RAP1GAP2: variants seen among roughly 807,000 people sequenced by gnomAD.
The protein encoded by RAP1GAP2 is rap1 GTPase-activating protein 2.
Under a neutral mutation model 95.0 loss-of-function variants are expected in RAP1GAP2, and 27 were observed. The observed-to-expected ratio is 0.28, with a 90% CI of 0.21 to 0.39. RAP1GAP2 has a LOEUF of 0.39. Among genes scored for constraint, RAP1GAP2 ranks in the 10% least tolerant of loss-of-function variants. RAP1GAP2 has a pLI of 1.00. For synonymous variants in RAP1GAP2, 373 were observed against 380.9 expected, an observed-to-expected ratio of 0.98 and a Z score of 0.24; for missense variants, 771 against 970.0, an observed-to-expected ratio of 0.79 and a Z score of 2.72.
intron 1 of RAP1GAP2, chr17:2,755,909 T>C (rs1221251852): frequency 3.5e-6 from 1 of 283,118 alleles, no homozygotes; most frequent in African/African-American, 2.2e-5. Flanking sequence ...GGGCGCCGGC[T>C]GCCTGGTCCC....
At chr17:2,763,724 A>T (rs2068226581) in intron 1 of RAP1GAP2, among the ~76,000 whole-genome samples, 1 of 151,522 alleles carries the variant, frequency 6.6e-6, no homozygotes, top group South Asian at 2.1e-4. Flanking sequence ...AGAATAAAAG[A>T]AAATCCCTCA....
intron 3 of RAP1GAP2, among the ~76,000 whole-genome samples, chr17:2,946,170 G>T (rs1305292367): frequency 6.6e-6 from 1 of 152,176 alleles, no homozygotes; most frequent in Non-Finnish European, 1.5e-5. Context: ...ATAACAGTAC[G>T]CTGTTGGATT....
At chr17:2,798,854 C>T (rs111518923) in intron 1 of RAP1GAP2, among the ~76,000 whole-genome samples, 4 of 152,272 alleles carry the variant, frequency 2.6e-5, no homozygotes, top group African/African-American at 7.2e-5. Context: ...GCTGTGACCA[C>T]GGTGCCTGTA....
At chr17:2,785,374 TAGG>T (rs1161257412) in intron 1 of RAP1GAP2, among the ~76,000 whole-genome samples, 2 of 146,288 alleles carry the variant, frequency 1.4e-5, no homozygotes, top group African/African-American at 2.5e-5. Context: ...GTTCACAAGA[TAGG>T]AGGAGAGAAA....
intron 2 of RAP1GAP2, among the ~76,000 whole-genome samples, chr17:2,816,129 CG>C (rs1332085137): frequency 6.6e-6 from 1 of 151,576 alleles, no homozygotes; most frequent in Admixed American, 6.6e-5. Context: ...TAAAAATAGG[CG>C]GGGGAGGGAA....
At position 3,034,621 on chromosome 17, in the gene RAP1GAP2, G is replaced by A. The variant is rs1393693254; in HGVS notation, c.*1260G>A. 6.5e-6 allele frequency: 1 copy of A among 153,154 alleles called. No homozygotes were observed. The highest frequency in any genetic ancestry group is 1.5e-5 in the Non-Finnish European group (1 of 68,358). The allele number at this position is 153,154 out of a possible 1,614,324, so 9.5% of individuals were successfully genotyped here. A position where few individuals can be genotyped will look rare whatever the true frequency, so the allele number is the denominator to read the frequency against. The stretch of plus-strand genomic sequence containing the variant: ...TGTAGGCAGCTGTCACATCTGAAGG[G>A]TTTCTGCAACCTGGACCCCATCTGG... On this transcript the variant is annotated 3_prime_UTR_variant, in exon 25 of 25. Transcript: ENST00000254695. This position sits in a 1 kb window ranked among gnomAD's most constrained non-coding sequence, Gnocchi z 5.1.
chr17:2,822,223 C>T (rs1036458889), intron 2 of RAP1GAP2, among the ~76,000 whole-genome samples: 3 of 152,288 alleles, frequency 2.0e-5, no homozygotes, highest in African/African-American at 4.8e-5. Context: ...GACATGACCA[C>T]GCAGGGTCAC....
chr17:2,920,305 T>C (rs2042716911), intron 3 of RAP1GAP2, among the ~76,000 whole-genome samples: 1 of 152,204 alleles, frequency 6.6e-6, no homozygotes, highest in African/African-American at 2.4e-5. Flanking sequence ...CTCCCCTTGA[T>C]GGCATTCAGA....
At chr17:3,023,634 T>C (rs1395278656) in intron 19 of RAP1GAP2, among the ~76,000 whole-genome samples, 2 of 152,212 alleles carry the variant, frequency 1.3e-5, no homozygotes, top group African/African-American at 4.8e-5. Context: ...ATTTTTATTT[T>C]ACTTTTTTCT....
At position 2,825,588 on chromosome 17, in the gene RAP1GAP2, G is replaced by C. The variant is rs1233686210; in HGVS notation, c.80+25038G>C. ...CTGGGGTTACCTTGGGCAACCGTCTGAACCTCTCTGAGCTTGTTTTCCCAT... is the reference window on the plus strand; with the variant it reads ...CTGGGGTTACCTTGGGCAACCGTCTCAACCTCTCTGAGCTTGTTTTCCCAT... On this transcript the variant is annotated intron_variant, in intron 2 of 24. Coordinates refer to ENST00000254695, the MANE Select transcript of RAP1GAP2 (RefSeq NM_015085.5). The surrounding 1 kb of genome is among the most constrained non-coding windows in gnomAD (Gnocchi z 4.1). Among the ~76,000 whole-genome samples the C allele has an allele frequency of 8.5e-5, 13 of 152,136 alleles. No individual in the cohort carries two copies. The highest frequency in any genetic ancestry group is 2.9e-5 in the Non-Finnish European group (2 of 68,040).
At chr17:2,868,516 A>ATTTT (rs71153307) in intron 2 of RAP1GAP2, among the ~76,000 whole-genome samples, 8 of 122,816 alleles carry the variant, frequency 6.5e-5, no homozygotes, top group African/African-American at 1.8e-4. Flanking sequence ...ACCAGGTGCA[A>ATTTT]TTTTTTTTTT....
intron 17 of RAP1GAP2, among the ~76,000 whole-genome samples, chr17:3,012,550 G>A (rs2046587274): frequency 6.7e-6 from 1 of 149,346 alleles, no homozygotes; most frequent in South Asian, 2.1e-4. Flanking sequence ...CCTGGGAGGT[G>A]GAGGTTGCAG....
intron 4 of RAP1GAP2, 200 bp from the exon 5 acceptor site, chr17:2,962,470 G>A (rs1172080931): frequency 5.4e-6 from 3 of 560,674 alleles, no homozygotes; most frequent in Non-Finnish European, 9.2e-6. Context: ...AGTCTATGCT[G>A]TTAGCCCAGC....
intron 2 of RAP1GAP2, among the ~76,000 whole-genome samples, chr17:2,803,338 G>A (rs1355883431): frequency 2.0e-5 from 3 of 152,196 alleles, no homozygotes; most frequent in African/African-American, 7.2e-5. Context: ...CAAAAACCCA[G>A]TGTCATCTGG....
intron 3 of RAP1GAP2, 87 bp from the exon 4 acceptor site, chr17:2,957,672 C>A: frequency 7.0e-7 from 1 of 1,422,538 alleles, no homozygotes; most frequent in Non-Finnish European, 9.7e-7. Flanking sequence ...CCAGGCTCAG[C>A]TTCCTGATAG....
chr17:2,762,220 C>T (rs1567629671), intron 1 of RAP1GAP2, among the ~76,000 whole-genome samples: 1 of 151,584 alleles, frequency 6.6e-6, no homozygotes, highest in African/African-American at 2.4e-5. Flanking sequence ...ATCTCCTGAC[C>T]TCGTGATCCA....
At position 2,963,552 on chromosome 17, in the gene RAP1GAP2, C is replaced by T; in HGVS notation, c.279+90C>T. On this transcript the variant is annotated intron_variant, in intron 6 of 24. Transcript: ENST00000254695. This position sits in a 1 kb window ranked among gnomAD's most constrained non-coding sequence, Gnocchi z 4.8. ...TGATGGCGATGGCCTGTGCCCAGCCCCCCAGGGGAGAGAACCTTGGGCCTG... is the reference window on the plus strand; with the variant it reads ...TGATGGCGATGGCCTGTGCCCAGCCTCCCAGGGGAGAGAACCTTGGGCCTG... 1.3e-6 allele frequency: 2 copies of T among 1,544,788 alleles called. No homozygotes were observed. The highest frequency in any genetic ancestry group is 1.8e-6 in the Non-Finnish European group (2 of 1,118,920).
intron 11 of RAP1GAP2, among the ~76,000 whole-genome samples, chr17:2,989,978 A>G (rs778719204): frequency 6.6e-6 from 1 of 152,120 alleles, no homozygotes; most frequent in Admixed American, 6.5e-5. Flanking sequence ...CCTTTTATAA[A>G]TGGAATCATC....
chr17:2,905,213 CCAGT>C, intron 2 of RAP1GAP2, 67 bp from the exon 3 acceptor site: 1 of 1,412,570 alleles, frequency 7.1e-7, no homozygotes, highest in South Asian at 1.2e-5. Flanking sequence ...GTCCGAGAGC[CCAGT>C]CACTCTTGGA....
Sources: allele counts gnomAD v4.1 joint callset (sites outside exome capture counted in the v4.1 genomes callset), GRCh38; gene constraint gnomAD v4.1.1; non-coding constraint Gnocchi (gnomAD v3.1); transcripts MANE v1.5; gene names NCBI Gene and HGNC (gene_info 2026-07-23, HGNC 2026-07-21).